Variants in MLLT3 observed in about 807,000 individuals in gnomAD.
MLLT3 encodes the protein protein AF-9.
Under a neutral mutation model 53.2 loss-of-function variants are expected in MLLT3, and 4 were observed. The observed-to-expected ratio is 0.08, with a 90% CI of 0.04 to 0.17. The LOEUF (loss-of-function observed/expected upper bound fraction) is 0.17. MLLT3 is among the 10% of genes least tolerant of loss of function. The pLI, the probability that MLLT3 is intolerant of heterozygous loss-of-function variation, is 1.00. For synonymous variants in MLLT3, 283 were observed against 230.6 expected (o/e 1.23, Z -2.06); for missense variants, 569 against 684.0 (o/e 0.83, Z 1.87).
chr9:20,455,647 C>T (rs567348850), intron 3 of MLLT3, among the ~76,000 whole-genome samples: 19 of 152,186 alleles, frequency 1.2e-4, no homozygotes, highest in African/African-American at 4.3e-4. Context: ...AAAAAAAAAG[C>T]CAATTACCTG....
chr9:20,350,388 G>T (rs1158780817), intron 10 of MLLT3, among the ~76,000 whole-genome samples: 1 of 152,064 alleles, frequency 6.6e-6, no homozygotes, highest in African/African-American at 2.4e-5. Context: ...GAGGTCAGGA[G>T]ATCAAGACCA....
chr9:20,438,207 G>C (rs1586949229), intron 4 of MLLT3, among the ~76,000 whole-genome samples: 1 of 152,188 alleles, frequency 6.6e-6, no homozygotes, highest in Non-Finnish European at 1.5e-5. Context: ...ACTCTGTCTA[G>C]ACTATATCAA....
chr9:20,427,346 G>A (rs1025790375), intron 4 of MLLT3, among the ~76,000 whole-genome samples: 2 of 150,902 alleles, frequency 1.3e-5, no homozygotes, highest in African/African-American at 4.9e-5. Context: ...TATCTCAATG[G>A]ACTAGTTAAA....
At chr9:20,465,241 G>A (rs1383929138) in intron 2 of MLLT3, among the ~76,000 whole-genome samples, 5 of 152,008 alleles carry the variant, frequency 3.3e-5, no homozygotes, top group African/African-American at 1.2e-4. Context: ...AAGGGGAAAA[G>A]TACAAAAAGA....
At chr9:20,465,185 G>A (rs529322896) in intron 2 of MLLT3, among the ~76,000 whole-genome samples, 1 of 152,204 alleles carries the variant, frequency 6.6e-6, no homozygotes, top group South Asian at 2.1e-4. Context: ...CTACACAAGG[G>A]AGGGAAATAG....
In MLLT3 at chr9:20,354,853, C is replaced by T. The variant is rs1821123277; in HGVS notation, c.1458G>A (p.Lys486=). 6.2e-7 allele frequency: 1 copy of T among 1,612,656 alleles called. No individual in the cohort carries two copies. The highest frequency in any genetic ancestry group is 2.2e-5 in the East Asian group (1 of 44,842). The change falls in exon 9 of 11, where the codon AAG becomes AAA. Residue 486 remains lysine, a synonymous_variant. Transcript: ENST00000380338. ...TTATTTGCTTATCTGATTTGCTTTG[C>T]TTTATTGGACTTTTCACTTCAAGAA... ...NQILEVKSPI[K]QSKSDKQIKN... is the part of the protein sequence containing the mutation.
chr9:20,578,771 T>G (rs1310705764), intron 2 of MLLT3, among the ~76,000 whole-genome samples: 1 of 152,106 alleles, frequency 6.6e-6, no homozygotes, highest in Non-Finnish European at 1.5e-5. Flanking sequence ...GACGCTAACA[T>G]TTTCCAAGTA....
chr9:20,509,913 T>C (rs1377664062), intron 2 of MLLT3, among the ~76,000 whole-genome samples: 2 of 152,000 alleles, frequency 1.3e-5, no homozygotes, highest in African/African-American at 2.4e-5. Context: ...CTTACAAACT[T>C]AGGCAGGCCA....
At chr9:20,589,368 G>A (rs1193188749) in intron 2 of MLLT3, among the ~76,000 whole-genome samples, 1 of 148,186 alleles carries the variant, frequency 6.7e-6, no homozygotes, top group East Asian at 2.0e-4. Flanking sequence ...CTCACTCATA[G>A]GTGGGAATTG....
rs1442238809 is a variant in MLLT3, at chr9:20,461,718, A to C, written c.194-4932T>G. On this transcript the variant is annotated intron_variant, in intron 2 of 10. Coordinates refer to ENST00000380338, the MANE Select transcript of MLLT3 (RefSeq NM_004529.4). ...GGCAACAGTTTTTTCCCGAAACCTC[A>C]GGAAAACAGCTGGTAGATTCCTCTC... Among the ~76,000 whole-genome samples the C allele has an allele frequency of 3.3e-5, 5 of 152,158 alleles. No homozygotes were observed. The South Asian group carries it at 8.3e-4, about 25-fold the overall frequency.
At chr9:20,591,501 G>T (rs1472431483) in intron 2 of MLLT3, among the ~76,000 whole-genome samples, 1 of 152,194 alleles carries the variant, frequency 6.6e-6, no homozygotes, top group Middle Eastern at 3.2e-3. Flanking sequence ...AAAACCATCT[G>T]TGAATTCTAG....
At chr9:20,402,480 C>T (rs568151546) in intron 5 of MLLT3, among the ~76,000 whole-genome samples, 2 of 152,246 alleles carry the variant, frequency 1.3e-5, no homozygotes, top group South Asian at 4.2e-4. Flanking sequence ...ACTGAAGAAC[C>T]TGGAGGGTGG....
At chr9:20,388,718 A>G (rs1329160387) in intron 5 of MLLT3, among the ~76,000 whole-genome samples, 2 of 152,226 alleles carry the variant, frequency 1.3e-5, no homozygotes, top group Admixed American at 6.5e-5. Flanking sequence ...GGATCCTTCA[A>G]GACAGTTTCT....
chr9:20,460,678 T>C (rs931128629), intron 2 of MLLT3, among the ~76,000 whole-genome samples: 1 of 152,214 alleles, frequency 6.6e-6, no homozygotes, highest in African/African-American at 2.4e-5. Context: ...AAATAATATG[T>C]ACCCAACAAA....
At chr9:20,426,311 A>C in intron 4 of MLLT3, among the ~76,000 whole-genome samples, 1 of 152,132 alleles carries the variant, frequency 6.6e-6, no homozygotes, top group Non-Finnish European at 1.5e-5. Flanking sequence ...GCTTTATTAA[A>C]CCAGCTTAAA....
intron 2 of MLLT3, among the ~76,000 whole-genome samples, chr9:20,582,049 T>G (rs1380498445): frequency 1.3e-5 from 2 of 152,204 alleles, no homozygotes; most frequent in African/African-American, 4.8e-5. Flanking sequence ...AATACTCTTT[T>G]AAAAAACCAA....
At chr9:20,454,420 C>A (rs80303181) in intron 3 of MLLT3, among the ~76,000 whole-genome samples, 6 of 152,188 alleles carry the variant, frequency 3.9e-5, no homozygotes, top group African/African-American at 7.2e-5. Context: ...CTGTTCAACT[C>A]CGAGCTTGTA....
At chr9:20,483,314 A>G (rs1353703196) in intron 2 of MLLT3, among the ~76,000 whole-genome samples, 1 of 151,732 alleles carries the variant, frequency 6.6e-6, no homozygotes, top group African/African-American at 2.4e-5. Flanking sequence ...GGCTCACTAT[A>G]GCCTTGATCT....
intron 5 of MLLT3, among the ~76,000 whole-genome samples, chr9:20,377,394 TATGGCTAC>T (rs578123931): frequency 3.1e-4 from 47 of 150,464 alleles, no homozygotes; most frequent in Non-Finnish European, 6.3e-4. Context: ...AAAAGTACAT[TATGGCTAC>T]AGGGCTCAGT....
Sources: allele counts gnomAD v4.1 joint callset (sites outside exome capture counted in the v4.1 genomes callset), GRCh38; gene constraint gnomAD v4.1.1; transcripts MANE v1.5; gene names NCBI Gene and HGNC (gene_info 2026-07-23, HGNC 2026-07-21).